The following PKHD1 variants were observed in gnomAD, a reference collection of about 807,000 sequenced individuals.
The protein encoded by PKHD1 is fibrocystin.
Under a neutral mutation model 412.0 loss-of-function variants are expected in PKHD1, and 291 were observed. That is an observed-to-expected ratio of 0.71 (90% CI 0.64 to 0.78). The LOEUF (loss-of-function observed/expected upper bound fraction) is 0.78. PKHD1 is among the 30% of genes least tolerant of loss of function. The probability of loss-of-function intolerance (pLI) is 0.00; values close to 1 mark genes in which losing one functional copy is unlikely to be tolerated. For synonymous variants in PKHD1, 1,777 were observed against 1,821.5 expected (o/e 0.98, Z 0.62); for missense variants, 4,825 against 4,950.7 (o/e 0.97, Z 0.76).
At chr6:51,739,558 T>A (rs1281948881) in intron 60 of PKHD1, among the ~76,000 whole-genome samples, 2 of 152,226 alleles carry the variant, frequency 1.3e-5, no homozygotes, top group Admixed American at 6.5e-5. Flanking sequence ...TTTGTTTATG[T>A]ACCTCTGGAA....
intron 35 of PKHD1, among the ~76,000 whole-genome samples, chr6:51,967,235 T>A (rs1263532990): frequency 3.3e-5 from 5 of 152,142 alleles, no homozygotes; most frequent in African/African-American, 1.2e-4. Context: ...GCACACGGCA[T>A]GACAATTCAT....
intron 35 of PKHD1, among the ~76,000 whole-genome samples, chr6:51,963,247 C>T (rs1035827184): frequency 6.6e-6 from 1 of 152,066 alleles, no homozygotes; most frequent in Non-Finnish European, 1.5e-5. Flanking sequence ...GACTCAGATT[C>T]GATCTCATAA....
At chr6:51,685,726 G>A (rs1008447114) in intron 60 of PKHD1, among the ~76,000 whole-genome samples, 6 of 152,084 alleles carry the variant, frequency 3.9e-5, no homozygotes, top group African/African-American at 1.4e-4. Context: ...CTTTGTTTTA[G>A]TTGAGGAGGG....
At chr6:52,027,566 GAGA>G (rs1275603129) in intron 31 of PKHD1, among the ~76,000 whole-genome samples, 1 of 137,268 alleles carries the variant, frequency 7.3e-6, no homozygotes, top group African/African-American at 2.7e-5. Context: ...GAAGAAGAAG[GAGA>G]AGAAGAAAAA....
chr6:52,072,225 G>C (rs377715561), intron 7 of PKHD1, 36 bp from the exon 8 acceptor site: 1 of 1,329,122 alleles, frequency 7.5e-7, no homozygotes, highest in Non-Finnish European at 1.1e-6. Flanking sequence ...AAAGACAAGA[G>C]ATAATTGTGC....
chr6:52,079,957 G>A lies in PKHD1; in HGVS notation c.333C>T (p.Phe111=), dbSNP rs145815264. The change falls in exon 5 of 67, where the codon TTC becomes TTT. Residue 111 remains phenylalanine (F), a synonymous_variant. Coordinates refer to ENST00000371117, the MANE Select transcript of PKHD1 (RefSeq NM_138694.4). ...HEGLYFLEAY[F]GGQLVSSPNP... ...TTGGACTGCTTACCAGCTGTCCCCC[G>A]AAGTATGCTTCCAGGAAGTACAGAC... 113 of 1,612,206 alleles carry A rather than the reference G, an allele frequency of 7.0e-5. 1 individual carries two copies. The African/African-American group carries it at 1.3e-3, about 18-fold the overall frequency.
At chr6:51,898,196 A>G (rs529132883) in intron 43 of PKHD1, among the ~76,000 whole-genome samples, 107 of 152,228 alleles carry the variant, frequency 7.0e-4, no homozygotes, top group Non-Finnish European at 1.2e-3. Context: ...TCCACCTCAA[A>G]TCAACAGAAT....
chr6:51,838,969 T>C (rs533406996), intron 50 of PKHD1, among the ~76,000 whole-genome samples: 4 of 152,322 alleles, frequency 2.6e-5, no homozygotes, highest in South Asian at 2.1e-4. Flanking sequence ...CTATTATCAA[T>C]ACTGTCATTA....
intron 46 of PKHD1, among the ~76,000 whole-genome samples, chr6:51,871,140 G>C (rs539490256): frequency 1.3e-5 from 2 of 152,088 alleles, no homozygotes; most frequent in Non-Finnish European, 1.5e-5. Context: ...AGTTAAATAT[G>C]CCCTTATCAT....
intron 52 of PKHD1, among the ~76,000 whole-genome samples, chr6:51,810,921 T>C (rs1323203681): frequency 6.6e-6 from 1 of 152,224 alleles, no homozygotes; most frequent in East Asian, 1.9e-4. Context: ...TTATTTTTCC[T>C]GATATTCTAG....
intron 52 of PKHD1, among the ~76,000 whole-genome samples, chr6:51,799,475 A>C (rs1403545452): frequency 6.6e-6 from 1 of 152,204 alleles, no homozygotes; most frequent in Non-Finnish European, 1.5e-5. Context: ...CATACTTTTT[A>C]ATTACATGGA....
intron 65 of PKHD1, 75 bp downstream of exon 65, chr6:51,632,490 G>T: frequency 1.6e-6 from 2 of 1,256,636 alleles, no homozygotes; most frequent in Non-Finnish European, 2.3e-6. Context: ...GAAAGAAACA[G>T]AATCATTAAT....
Position 51,906,250 on chromosome 6 carries a change from A to G in PKHD1, c.6773T>C (p.Val2258Ala). 1 of 1,611,988 alleles carries G rather than the reference A, an allele frequency of 6.2e-7. No individual in the cohort carries two copies. The change falls in exon 41 of 67, where the codon GTA becomes GCA. Residue 2258 changes from valine (V) to alanine (A), a missense_variant. Val to Ala is a moderately conservative substitution (Grantham distance 64). Transcript: ENST00000371117. ...CGCATGACCTAAAATATTGTAGAATACATTACTGTCCACCTTCAGGCCCAA... is the reference window on the plus strand; with the variant it reads ...CGCATGACCTAAAATATTGTAGAATGCATTACTGTCCACCTTCAGGCCCAA... ...GTLGLKVDSN[V>A]FYNILGHALL...
intron 60 of PKHD1, among the ~76,000 whole-genome samples, chr6:51,733,025 A>G (rs542392117): frequency 6.6e-6 from 1 of 152,348 alleles, no homozygotes; most frequent in East Asian, 1.9e-4. Flanking sequence ...AAGGTATTGT[A>G]TGATTCTACT....
At chr6:51,849,018 C>T (rs140601298) in intron 49 of PKHD1, among the ~76,000 whole-genome samples, 156 of 150,918 alleles carry the variant, frequency 1.0e-3, no homozygotes, top group Non-Finnish European at 1.9e-3. Flanking sequence ...TGGTTTGCTG[C>T]ACCTATTGAC....
Position 51,680,115 on chromosome 6 carries a change from A to G in PKHD1, c.10157-20146T>C, listed in dbSNP as rs80137472. On this transcript the variant is annotated intron_variant, in intron 60 of 66. Coordinates refer to ENST00000371117, the MANE Select transcript of PKHD1 (RefSeq NM_138694.4). ...TGTATTTTAAAAGGCTCAGAACAGT[A>G]TCTAAAGCATAATATATATTATTAT... 2.6e-3 allele frequency among the ~76,000 whole-genome samples: 402 copies of G among 152,154 alleles called. 2 individuals carry two copies. Among genetic ancestry groups the G allele is most frequent in the African/African-American group, 9.3e-3 (386 of 41,564 alleles).
chr6:52,057,035 C>A (rs1219186366), intron 16 of PKHD1, 56 bp from the exon 17 acceptor site: 4 of 1,145,422 alleles, frequency 3.5e-6, no homozygotes, highest in South Asian at 2.5e-5. Context: ...GCCAGAGAGA[C>A]AATCTAAGAA....
Position 51,619,330 on chromosome 6 carries a change from G to C in PKHD1, c.11976C>G (p.Tyr3992Ter). The C allele has an allele frequency of 6.2e-7, 1 of 1,614,214 alleles. No individual in the cohort carries two copies. The highest frequency in any genetic ancestry group is 8.5e-7 in the Non-Finnish European group (1 of 1,180,020). ...CCTTCCAGTTCCCAGTCTCTTGCAG[G>C]TACACCTGCTGAGCAGGAGCACCTG... is the stretch of plus-strand genomic sequence containing the variant. ...CAPGAPAQQVYLQETGNWKEG... is the reference protein window; with the variant it reads ...CAPGAPAQQV The change falls in exon 67 of 67, where the codon TAC becomes TAG. Residue 3992 changes from tyrosine (Y) to a stop codon, truncating the protein, a stop_gained. Transcript: ENST00000371117. LOFTEE classifies it low-confidence loss of function (END_TRUNC).
At chr6:51,638,721 A>G in intron 64 of PKHD1, 128 bp downstream of exon 64, 1 of 714,286 alleles carries the variant, frequency 1.4e-6, no homozygotes, top group Non-Finnish European at 2.5e-6. Flanking sequence ...AGTCAAGTGA[A>G]TTTATTTTCT....
Sources: gnomAD v4.1 joint callset for allele counts (sites outside exome capture counted in the v4.1 genomes callset) on GRCh38, gnomAD v4.1.1 for gene constraint, MANE v1.5 for transcripts, NCBI Gene and HGNC (gene_info 2026-07-23, HGNC 2026-07-21) for gene names.